The following PKIB variants were observed in gnomAD, a reference collection of about 807,000 sequenced individuals.
PKIB encodes PKI-beta.
PKIB carries 2 observed loss-of-function variants against 4.5 expected under a neutral mutation model. The observed-to-expected ratio is 0.44, with a 90% CI of 0.18 to 1.39. The LOEUF (loss-of-function observed/expected upper bound fraction) is 1.39. Among genes scored for constraint, PKIB ranks in the 40% most tolerant of loss-of-function variants. The pLI, the probability that PKIB is intolerant of heterozygous loss-of-function variation, is 0.27. For missense variants in PKIB, 94 were observed against 92.6 expected (o/e 1.02, Z -0.06); for synonymous variants, 38 against 36.0 (o/e 1.06, Z -0.20).
intron 2 of PKIB, among the ~76,000 whole-genome samples, chr6:122,514,190 T>G (rs533574236): frequency 1.3e-5 from 2 of 152,336 alleles, no homozygotes; most frequent in Non-Finnish European, 2.9e-5. Context: ...ATGCTTGCCT[T>G]TTTTTGGCTT....
intron 2 of PKIB, among the ~76,000 whole-genome samples, chr6:122,535,025 G>C (rs1003841323): frequency 5.9e-5 from 9 of 152,074 alleles, no homozygotes; most frequent in African/African-American, 1.7e-4. Context: ...TCTGCTCTTA[G>C]TGAAAATAGA....
At chr6:122,473,626 G>T (rs368732342) in intron 1 of PKIB, among the ~76,000 whole-genome samples, 1 of 152,044 alleles carries the variant, frequency 6.6e-6, no homozygotes, top group Non-Finnish European at 1.5e-5. Context: ...AAGAGTCTTC[G>T]ACACCAGTCT....
At chr6:122,553,898 TC>T (rs1772763109) in intron 2 of PKIB, among the ~76,000 whole-genome samples, 1 of 152,182 alleles carries the variant, frequency 6.6e-6, no homozygotes, top group Admixed American at 6.5e-5. Flanking sequence ...AAAGCAGCTG[TC>T]AGGCCAGCTG....
intron 3 of PKIB, among the ~76,000 whole-genome samples, chr6:122,677,873 T>A (rs1402277543): frequency 8.6e-6 from 1 of 115,758 alleles, no homozygotes; most frequent in Non-Finnish European, 1.9e-5. Context: ...CTTCCTTCCT[T>A]CCTTCCTTCC....
intron 3 of PKIB, among the ~76,000 whole-genome samples, chr6:122,711,113 GATAACACCCAAT>G (rs1255019502): frequency 6.7e-6 from 1 of 150,200 alleles, no homozygotes; most frequent in Non-Finnish European, 1.5e-5. Flanking sequence ...CTGTATTCTG[GATAACACCCAAT>G]ATACATAGCA....
chr6:122,569,716 C>T (rs1417378852), intron 2 of PKIB, among the ~76,000 whole-genome samples: 1 of 152,120 alleles, frequency 6.6e-6, no homozygotes, highest in Non-Finnish European at 1.5e-5. Flanking sequence ...GTGGCTATAC[C>T]CAGAAGAGCA....
intron 3 of PKIB, among the ~76,000 whole-genome samples, chr6:122,678,585 G>A (rs1266458160): frequency 6.6e-6 from 1 of 152,116 alleles, no homozygotes; most frequent in Non-Finnish European, 1.5e-5. Flanking sequence ...GTGCAATTAA[G>A]TTCAACAAAT....
chr6:122,524,847 G>A (rs897792583), intron 2 of PKIB, among the ~76,000 whole-genome samples: 2 of 150,964 alleles, frequency 1.3e-5, no homozygotes, highest in Admixed American at 6.6e-5. Context: ...GATTTTAGTT[G>A]TCTTTCTTTT....
intron 2 of PKIB, among the ~76,000 whole-genome samples, chr6:122,662,628 A>T (rs1777055159): frequency 6.6e-6 from 1 of 151,938 alleles, no homozygotes; most frequent in Non-Finnish European, 1.5e-5. Context: ...CCTCTTTCTG[A>T]TTTAAAAACA....
chr6:122,647,633 T>C (rs923464837), intron 2 of PKIB, among the ~76,000 whole-genome samples: 3 of 152,222 alleles, frequency 2.0e-5, no homozygotes, highest in Admixed American at 6.5e-5. Flanking sequence ...AACACTGTGA[T>C]GTAAAGTTAG....
At chr6:122,529,724 T>C (rs1183990074) in intron 2 of PKIB, among the ~76,000 whole-genome samples, 1 of 152,164 alleles carries the variant, frequency 6.6e-6, no homozygotes, top group African/African-American at 2.4e-5. Context: ...GATGATAGTT[T>C]TGTTTTCCTT....
chr6:122,689,137 T>G (rs912682664), intron 3 of PKIB, among the ~76,000 whole-genome samples: 3 of 152,246 alleles, frequency 2.0e-5, no homozygotes, highest in African/African-American at 7.2e-5. Context: ...TCTCTAATTC[T>G]ATTTATTTGG....
chr6:122,723,249 A>G (rs1293772734), intron 4 of PKIB, among the ~76,000 whole-genome samples: 1 of 152,114 alleles, frequency 6.6e-6, no homozygotes, highest in Non-Finnish European at 1.5e-5. Context: ...TTTTGTCTCC[A>G]ACCTGGAGCT....
At chr6:122,506,999 C>A (rs911434134) in intron 2 of PKIB, among the ~76,000 whole-genome samples, 3 of 152,022 alleles carry the variant, frequency 2.0e-5, no homozygotes, top group Non-Finnish European at 4.4e-5. Context: ...CCGCGCCCGG[C>A]CGTAATTTTT....
At chr6:122,494,247 A>C (rs1011563127) in intron 2 of PKIB, among the ~76,000 whole-genome samples, 2 of 152,216 alleles carry the variant, frequency 1.3e-5, no homozygotes, top group African/African-American at 4.8e-5. Flanking sequence ...TTGGAATAGT[A>C]AGAAAAATCT....
chr6:122,618,634 A>G (rs1424794495), intron 1 of PKIB, among the ~76,000 whole-genome samples: 1 of 152,060 alleles, frequency 6.6e-6, no homozygotes, highest in East Asian at 1.9e-4. Context: ...TTATCATATC[A>G]TATTCCCTGT....
chr6:122,551,864 C>T lies in PKIB; in HGVS notation c.-247-34057C>T, dbSNP rs118186214. 5.8e-4 allele frequency among the ~76,000 whole-genome samples: 79 copies of T among 135,774 alleles called. No homozygotes were observed. In the East Asian group the frequency reaches 0.018, roughly 31 times the overall value. The allele number at this position is 135,774 out of a possible 152,430, so 89.1% of individuals were successfully genotyped here. The stretch of plus-strand genomic sequence containing the variant: ...AGAAAGTGACGGAAGGAATCTTTGA[C>T]TTAGTACATCTTTTTTTTTTTTTTT... On this transcript the variant is annotated intron_variant, in intron 2 of 6. Coordinates refer to the PKIB transcript ENST00000392491.
At chr6:122,684,690 T>C (rs1255079083) in intron 3 of PKIB, among the ~76,000 whole-genome samples, 1 of 152,176 alleles carries the variant, frequency 6.6e-6, no homozygotes, top group African/African-American at 2.4e-5. Flanking sequence ...TCTTTGAAAA[T>C]AGACCGGCTT....
rs796256691 is a variant in PKIB, at chr6:122,718,539, A to AAAAAC, written c.169+587_169+591dup. Reference sequence around the variant, plus strand: ...TTTAAAAACCCTCATGGAGATTTAAAAAAACAAAACAAAACCCTGAATCAA... The same window carrying AAAAAC: ...TTTAAAAACCCTCATGGAGATTTAAAAAAACAAAACAAAACAAAACCCTGAATCAA... On this transcript the variant is annotated intron_variant, in intron 4 of 4. Transcript: ENST00000368452. Among the ~76,000 whole-genome samples the AAAAAC allele has an allele frequency of 3.7e-3, 561 of 152,334 alleles. 3 individuals are homozygous for AAAAAC. The highest frequency in any genetic ancestry group is 0.013 in the African/African-American group (551 of 41,576).
Sources: allele counts gnomAD v4.1 joint callset (sites outside exome capture counted in the v4.1 genomes callset), GRCh38; gene constraint gnomAD v4.1.1; transcripts MANE v1.5; gene names NCBI Gene and HGNC (gene_info 2026-07-23, HGNC 2026-07-21).